The following SFXN5 variants were observed in gnomAD, a reference collection of about 807,000 sequenced individuals.
SFXN5 encodes the protein sideroflexin 5.
SFXN5 carries 43 observed loss-of-function variants against 50.2 expected under a neutral mutation model. The observed-to-expected ratio is 0.86, with a 90% CI of 0.67 to 1.11. SFXN5 has a LOEUF of 1.11. Among genes scored for constraint, SFXN5 ranks in the 50% least tolerant of loss-of-function variants. SFXN5 has a pLI of 0.00. For synonymous variants in SFXN5, 203 were observed against 185.8 expected, an observed-to-expected ratio of 1.09 and a Z score of -0.75; for missense variants, 463 against 454.1, an observed-to-expected ratio of 1.02 and a Z score of -0.18.
At chr2:73,053,859 CA>C (rs1470776541) in intron 2 of SFXN5, among the ~76,000 whole-genome samples, 1 of 152,164 alleles carries the variant, frequency 6.6e-6, no homozygotes, top group African/African-American at 2.4e-5. Flanking sequence ...AGCTAAGCAG[CA>C]ACCACCCCGT....
chr2:72,961,069 G>A lies in SFXN5; in HGVS notation c.945+62C>T. The A allele has an allele frequency of 8.2e-7, 1 of 1,213,684 alleles. No homozygotes were observed. The highest frequency in any genetic ancestry group is 1.6e-5 in the African/African-American group (1 of 63,502). 75.2% of individuals were successfully genotyped at this position (1,213,684 alleles called of 1,614,324 possible). A position where few individuals can be genotyped will look rare whatever the true frequency, so the allele number is the denominator to read the frequency against. ...AGGAGTCGGCACGGTATGAGTATTT[G>A]TTCAGAAATCACCAAACAGCACCCC... On this transcript the variant is annotated intron_variant, in intron 13 of 13. Transcript: ENST00000272433. This position sits in a 1 kb window ranked among gnomAD's most constrained non-coding sequence, Gnocchi z 4.4.
intron 9 of SFXN5, among the ~76,000 whole-genome samples, chr2:72,988,580 G>A (rs1377364085): frequency 6.6e-6 from 1 of 152,058 alleles, no homozygotes; most frequent in Non-Finnish European, 1.5e-5. Context: ...GAAAGAGGGA[G>A]AGAGGTAAAG....
chr2:72,988,760 C>T (rs1427192306), intron 9 of SFXN5, among the ~76,000 whole-genome samples: 2 of 152,304 alleles, frequency 1.3e-5, no homozygotes, highest in East Asian at 1.9e-4. Flanking sequence ...CAGCCCTAAG[C>T]ACCATCTTTC....
chr2:72,959,305 T>C (rs1045633282), intron 13 of SFXN5, among the ~76,000 whole-genome samples: 1 of 152,152 alleles, frequency 6.6e-6, no homozygotes, highest in African/African-American at 2.4e-5. Context: ...TCCTCCGTGC[T>C]GTCACCCATC....
In SFXN5 at chr2:73,022,567, GTAGAA is replaced by G. The variant is rs1232951576; in HGVS notation, c.281_285del (p.Ile94ThrfsTer6). 7.3e-7 allele frequency: 1 copy of G among 1,378,882 alleles called. No homozygotes were observed. The highest frequency in any genetic ancestry group is 9.7e-7 in the Non-Finnish European group (1 of 1,032,742). 85.4% of individuals were successfully genotyped at this position (1,378,882 alleles called of 1,614,324 possible). On this transcript the variant is annotated frameshift_variant, in exon 5 of 14. Coordinates refer to ENST00000272433, the MANE Select transcript of SFXN5 (RefSeq NM_144579.3). LOFTEE classifies it high-confidence loss of function. ...AAGATCTTCTCATTGGTGTCCGGAT[GTAGAA>G]TAGCCTGGCAAAAGCAGGAACAGAG... is the stretch of plus-strand genomic sequence containing the variant.
intron 3 of SFXN5, among the ~76,000 whole-genome samples, 166 bp from the exon 4 acceptor site, chr2:73,023,380 G>T (rs917141638): frequency 5.3e-5 from 8 of 152,190 alleles, no homozygotes; most frequent in African/African-American, 1.4e-4. Context: ...CCTATCCTGG[G>T]GGGGGTGACA....
intron 3 of SFXN5, among the ~76,000 whole-genome samples, chr2:73,032,771 A>C (rs2105890370): frequency 6.6e-6 from 1 of 152,372 alleles, no homozygotes; most frequent in East Asian, 1.9e-4. Context: ...GTAATTAAAC[A>C]GAGCCTGAAG....
intron 8 of SFXN5, among the ~76,000 whole-genome samples, chr2:72,999,986 C>T (rs547162906): frequency 7.2e-5 from 11 of 152,244 alleles, no homozygotes; most frequent in African/African-American, 2.6e-4. Flanking sequence ...CACTCAGGAG[C>T]AGCCCTTCAG....
At chr2:73,007,916 C>T (rs141009654) in intron 6 of SFXN5, among the ~76,000 whole-genome samples, 162 of 152,278 alleles carry the variant, frequency 1.1e-3, no homozygotes, top group African/African-American at 3.5e-3. Context: ...TACCCCAGAC[C>T]GGTCAATTCT....
At chr2:72,955,528 T>C (rs570934074) in intron 13 of SFXN5, among the ~76,000 whole-genome samples, 51 of 152,284 alleles carry the variant, frequency 3.3e-4, no homozygotes, top group African/African-American at 1.2e-3. Context: ...CAAAGAAAGA[T>C]TGAAGCAGAA....
At chr2:73,034,497 C>A (rs1420803196) in intron 3 of SFXN5, among the ~76,000 whole-genome samples, 3 of 152,210 alleles carry the variant, frequency 2.0e-5, no homozygotes, top group African/African-American at 7.2e-5. Context: ...CCCAGCAGCT[C>A]TTTCTCCTAG....
intron 6 of SFXN5, among the ~76,000 whole-genome samples, chr2:73,002,346 C>G (rs1242462706): frequency 1.3e-5 from 2 of 152,152 alleles, no homozygotes; most frequent in African/African-American, 4.8e-5. Context: ...ACTTGCTGAC[C>G]GTGTTTTTGG....
At chr2:72,949,128 A>T (rs1319874379) in intron 13 of SFXN5, among the ~76,000 whole-genome samples, 3 of 152,188 alleles carry the variant, frequency 2.0e-5, no homozygotes, top group African/African-American at 7.2e-5. Flanking sequence ...CTGGGTGAAG[A>T]AAAAAATATT....
At chr2:73,014,593 T>C (rs1364961564) in intron 6 of SFXN5, among the ~76,000 whole-genome samples, 1 of 152,226 alleles carries the variant, frequency 6.6e-6, no homozygotes, top group Non-Finnish European at 1.5e-5. Flanking sequence ...GATGAGATTA[T>C]GACTGAAATT....
chr2:73,026,681 A>G (rs768155949), intron 3 of SFXN5, among the ~76,000 whole-genome samples: 3 of 152,092 alleles, frequency 2.0e-5, no homozygotes, highest in Non-Finnish European at 4.4e-5. Flanking sequence ...TTACTCATTT[A>G]TATGTTTAGT....
At chr2:72,999,788 C>A (rs1330593272) in intron 8 of SFXN5, among the ~76,000 whole-genome samples, 1 of 152,146 alleles carries the variant, frequency 6.6e-6, no homozygotes, top group African/African-American at 2.4e-5. Flanking sequence ...CTGACAGGCC[C>A]CCAAAGGGGA....
intron 2 of SFXN5, among the ~76,000 whole-genome samples, chr2:73,050,232 G>A (rs1338029903): frequency 6.6e-6 from 1 of 152,100 alleles, no homozygotes; most frequent in Non-Finnish European, 1.5e-5. Flanking sequence ...CTATTGTTCT[G>A]GGGTTGCAGA....
At position 73,071,690 on chromosome 2, in the gene SFXN5, T is replaced by C. The variant is rs777648795; in HGVS notation, c.16A>G (p.Thr6Ala). 3.7e-6 allele frequency: 6 copies of C among 1,612,946 alleles called. No individual in the cohort carries two copies. Among genetic ancestry groups the C allele is most frequent in the Admixed American group, 3.3e-5 (2 of 59,972 alleles). Residue 6 changes from threonine to alanine, a missense_variant, in exon 1 of 14, where the codon ACT (threonine) becomes GCT (alanine). Transcript: ENST00000272433. ...CTAGCCGCCGCCGCCGATGCTGTAGTCGCTGTATCCGCCATGGCCACTGAC... is the reference window on the plus strand; with the variant it reads ...CTAGCCGCCGCCGCCGATGCTGTAGCCGCTGTATCCGCCATGGCCACTGAC... MADTA[T>A]TASAAAASAA...
At chr2:72,957,244 G>T in intron 13 of SFXN5, 1 of 355,214 alleles carries the variant, frequency 2.8e-6, no homozygotes, top group South Asian at 2.1e-5. Flanking sequence ...TAGACTTAAG[G>T]GGCATTAGGA....
Sources: allele counts gnomAD v4.1 joint callset (sites outside exome capture counted in the v4.1 genomes callset), GRCh38; gene constraint gnomAD v4.1.1; non-coding constraint Gnocchi (gnomAD v3.1); transcripts MANE v1.5; gene names NCBI Gene and HGNC (gene_info 2026-07-23, HGNC 2026-07-21).